Variants in DDX19B observed in about 807,000 individuals in gnomAD.
DDX19B encodes the protein DEAD-box helicase 19B, also known as ATP-dependent RNA helicase DDX19B.
DDX19B carries 27 observed loss-of-function variants against 58.1 expected under a neutral mutation model. The observed-to-expected ratio is 0.46, with a 90% CI of 0.34 to 0.64. DDX19B has a LOEUF of 0.64. Ranked by LOEUF, DDX19B falls within the 30% of genes least tolerant of loss-of-function variation. DDX19B has a pLI of 0.01. For missense variants in DDX19B, 399 were observed against 596.5 expected, an observed-to-expected ratio of 0.67 and a Z score of 3.45; for synonymous variants, 187 against 214.4, an observed-to-expected ratio of 0.87 and a Z score of 1.12.
intron 2 of DDX19B, among the ~76,000 whole-genome samples, chr16:70,314,083 T>G (rs1962236040): frequency 6.6e-6 from 1 of 151,972 alleles, no homozygotes; most frequent in South Asian, 2.1e-4. Flanking sequence ...CACTCCAGGC[T>G]GGGTAAGAGT....
chr16:70,302,192 A>AT (rs1961523551), intron 1 of DDX19B, among the ~76,000 whole-genome samples: 1 of 152,142 alleles, frequency 6.6e-6, no homozygotes, highest in Non-Finnish European at 1.5e-5. Context: ...AAGTCCTAGA[A>AT]TTACAGGCGT....
chr16:70,299,422 G>T, intron 1 of DDX19B, 68 bp downstream of exon 1: 3 of 1,493,720 alleles, frequency 2.0e-6, no homozygotes, highest in African/African-American at 1.4e-5. Context: ...CCCTGGGAAA[G>T]AATGTTTCCC....
At chr16:70,289,975 A>AT, upstream of DDX19B, 1 of 327,908 alleles carries the variant, frequency 3.0e-6, no homozygotes. Flanking sequence ...GAGACCTTGA[A>AT]TTTGGTGTGG....
At chr16:70,310,963 G>C (rs904836687) in intron 1 of DDX19B, among the ~76,000 whole-genome samples, 2 of 149,026 alleles carry the variant, frequency 1.3e-5, no homozygotes, top group Non-Finnish European at 3.0e-5. Flanking sequence ...CCCGGGAGGC[G>C]GAGCTTACAG....
At chr16:70,310,377 C>T (rs1031104766) in intron 1 of DDX19B, among the ~76,000 whole-genome samples, 1 of 145,284 alleles carries the variant, frequency 6.9e-6, no homozygotes, top group Non-Finnish European at 1.5e-5. Flanking sequence ...AAGACTCCGC[C>T]TCAAAAAAAA....
At chr16:70,311,533 C>G (rs1012154584) in intron 1 of DDX19B, among the ~76,000 whole-genome samples, 1 of 152,206 alleles carries the variant, frequency 6.6e-6, no homozygotes, top group Non-Finnish European at 1.5e-5. Context: ...TAGGCCCTGT[C>G]AGGAAGGTAT....
Position 70,333,538 on chromosome 16 carries a change from T to C in DDX19B, c.1396T>C (p.Leu466=), listed in dbSNP as rs1171088155. The change falls in exon 12 of 12, where the codon TTG becomes CTG. Residue 466 remains leucine, a synonymous_variant. Coordinates refer to ENST00000288071, the MANE Select transcript of DDX19B (RefSeq NM_007242.7). ...TCCCCCAGATAAGAAGATAGAAAGA[T>C]TGGACACAGATGATTTGGACGAGAT... ...QEHFNKKIER[L]DTDDLDEIEK... 7 of 1,613,894 alleles carry C rather than the reference T, an allele frequency of 4.3e-6. No homozygotes were observed. Among genetic ancestry groups the C allele is most frequent in the Admixed American group, 3.3e-5 (2 of 60,004 alleles).
chr16:70,321,932 G>A (rs1240851968), intron 5 of DDX19B, among the ~76,000 whole-genome samples: 2 of 152,078 alleles, frequency 1.3e-5, no homozygotes, highest in African/African-American at 2.4e-5. Context: ...CTACTCGGGA[G>A]GCTGAGGCAA....
chr16:70,299,152 C>T (rs761886526), upstream of DDX19B: 26 of 1,377,194 alleles, frequency 1.9e-5, no homozygotes, highest in African/African-American at 3.0e-5. Context: ...CAGGAGTGGC[C>T]TCCGACGTCA....
At chr16:70,308,406 T>A (rs572234866) in intron 1 of DDX19B, among the ~76,000 whole-genome samples, 38 of 151,494 alleles carry the variant, frequency 2.5e-4, no homozygotes, top group African/African-American at 5.3e-4. Flanking sequence ...TAATTTTTTT[T>A]ATATTTTTTT....
intron 9 of DDX19B, among the ~76,000 whole-genome samples, chr16:70,330,593 CA>C (rs1963433495): frequency 6.6e-6 from 1 of 151,874 alleles, no homozygotes; most frequent in African/African-American, 2.4e-5. Flanking sequence ...TGTCTCAATA[CA>C]AAAACAAACA....
rs1963510426 is a variant in DDX19B at position 70,332,000 on chromosome 16, G to A, written c.1186+116G>A. ...TGGTCTCAGGGAGATGGGTGGGGTT[G>A]GTGACACTATTCCTTTCTAGGAGAG... On this transcript the variant is annotated intron_variant, in intron 10 of 11. Coordinates refer to ENST00000288071, the MANE Select transcript of DDX19B (RefSeq NM_007242.7). The A allele has an allele frequency of 3.5e-6, 5 of 1,438,868 alleles. No homozygotes were observed. The South Asian group carries it at 7.2e-5, about 21-fold the overall frequency. 89.1% of individuals were successfully genotyped at this position (1,438,868 alleles called of 1,614,324 possible).
At chr16:70,329,196 C>G in intron 7 of DDX19B, 96 bp from the exon 8 acceptor site, 1 of 1,493,106 alleles carries the variant, frequency 6.7e-7, no homozygotes, top group Non-Finnish European at 9.0e-7. Flanking sequence ...GCACTCCAGC[C>G]TGGGCAACAG....
chr16:70,313,888 A>C lies in DDX19B; in HGVS notation c.107-1014A>C, dbSNP rs555283639. On this transcript the variant is annotated intron_variant, in intron 2 of 11. Coordinates refer to ENST00000288071, the MANE Select transcript of DDX19B (RefSeq NM_007242.7). ...CTTTGGGAAGCCAAGGCTGGCGGAT[A>C]ACCTGAGGTCAGGAGTTTGAAACCA... Among the ~76,000 whole-genome samples, 31 of 151,746 alleles carry C rather than the reference A, an allele frequency of 2.0e-4. 1 individual carries two copies. Among genetic ancestry groups the C allele is most frequent in the South Asian group, 8.3e-4 (4 of 4,802 alleles).
rs1235083231 is a variant in DDX19B, at chr16:70,334,421, C to G, written c.*839C>G. On this transcript the variant is annotated 3_prime_UTR_variant, in exon 12 of 12. Transcript: ENST00000288071. ...TTACATCCTTAATATCCCCTTACCC[C>G]ACAGTAGCCCCAAACAAATGTGATC... 1.3e-5 allele frequency: 2 copies of G among 152,110 alleles called. No homozygotes were observed. The highest frequency in any genetic ancestry group is 2.9e-5 in the Non-Finnish European group (2 of 68,066). The allele number at this position is 152,110 out of a possible 1,614,324, so 9.4% of individuals were successfully genotyped here.
chr16:70,310,759 G>A (rs775483237), intron 1 of DDX19B, among the ~76,000 whole-genome samples: 2 of 151,778 alleles, frequency 1.3e-5, no homozygotes, highest in Non-Finnish European at 2.9e-5. Flanking sequence ...GGCCAGGTGC[G>A]GTGGCTCATG....
Position 70,329,714 on chromosome 16 carries a change from A to C in DDX19B, c.786-117A>C, listed in dbSNP as rs911321225. The C allele has an allele frequency of 7.1e-5, 101 of 1,418,230 alleles. 2 individuals carry two copies. In the South Asian group the frequency reaches 1.3e-3, roughly 18 times the overall value. 87.9% of individuals were successfully genotyped at this position (1,418,230 alleles called of 1,614,324 possible). On this transcript the variant is annotated intron_variant, in intron 8 of 11. Coordinates refer to ENST00000288071, the MANE Select transcript of DDX19B (RefSeq NM_007242.7). ...CCCAGGCCTGCTGCTCCTCCTCCCCAAGACGCTCCTCTCCCATCAGCCTTC... is the reference window on the plus strand; with the variant it reads ...CCCAGGCCTGCTGCTCCTCCTCCCCCAGACGCTCCTCTCCCATCAGCCTTC...
At chr16:70,321,991 C>T (rs1237220794) in intron 5 of DDX19B, among the ~76,000 whole-genome samples, 1 of 150,054 alleles carries the variant, frequency 6.7e-6, no homozygotes, top group Non-Finnish European at 1.5e-5. Flanking sequence ...GCTGAGATCG[C>T]GCCATTGGAC....
chr16:70,312,121 C>T (rs534376239), intron 1 of DDX19B, among the ~76,000 whole-genome samples: 1 of 152,108 alleles, frequency 6.6e-6, no homozygotes, highest in South Asian at 2.1e-4. Flanking sequence ...ATTACAGGCG[C>T]GAGCCACCGC....
Sources: allele counts gnomAD v4.1 joint callset (sites outside exome capture counted in the v4.1 genomes callset), GRCh38; gene constraint gnomAD v4.1.1; transcripts MANE v1.5; gene names NCBI Gene and HGNC (gene_info 2026-07-23, HGNC 2026-07-21).